PDE1C: variants seen among roughly 807,000 people sequenced by gnomAD.
PDE1C encodes the protein phosphodiesterase 1C.
Under a neutral mutation model 93.1 loss-of-function variants are expected in PDE1C, and 62 were observed. The observed-to-expected ratio is 0.67, with a 90% CI of 0.54 to 0.82. PDE1C has a LOEUF of 0.82. PDE1C is among the 40% of genes least tolerant of loss of function. The pLI, the probability that PDE1C is intolerant of heterozygous loss-of-function variation, is 0.00. For synonymous variants in PDE1C, 325 were observed against 310.1 expected (o/e 1.05, Z -0.50); for missense variants, 742 against 884.6 (o/e 0.84, Z 2.04).
chr7:31,847,767 T>G (rs1792814140), intron 9 of PDE1C: 1 of 535,566 alleles, frequency 1.9e-6, no homozygotes, highest in African/African-American at 1.9e-5. Flanking sequence ...TATAAATATT[T>G]GAATATCTGT....
intron 16 of PDE1C, among the ~76,000 whole-genome samples, chr7:31,776,178 G>C (rs1328792467): frequency 6.6e-6 from 1 of 152,132 alleles, no homozygotes; most frequent in Non-Finnish European, 1.5e-5. Flanking sequence ...AGGGAATCGG[G>C]GGTTTTGTCT....
At chr7:31,644,367 A>G in the PDE1C span, among the ~76,000 whole-genome samples, 1 of 152,236 alleles carries the variant, frequency 6.6e-6, no homozygotes, top group Non-Finnish European at 1.5e-5. Context: ...TAGGGAGACT[A>G]TTCATGCACT....
chr7:31,674,688 A>G, the PDE1C span, among the ~76,000 whole-genome samples: 1 of 152,198 alleles, frequency 6.6e-6, no homozygotes, highest in Non-Finnish European at 1.5e-5. Context: ...GGACTCTTTA[A>G]GAAATGATAC....
In PDE1C at chr7:31,853,702, GTTTTGT is replaced by G. The variant is rs1184463792; in HGVS notation, c.751-2967_751-2962del. On this transcript the variant is annotated intron_variant, in intron 7 of 17. Coordinates refer to ENST00000396191, the MANE Select transcript of PDE1C (RefSeq NM_001191057.4). The stretch of plus-strand genomic sequence containing the variant: ...TAAAAAGCAGGGTTTTTTTGTTTTC[GTTTTGT>G]TTTTGTTTTTGTTTTTTTTTAAACA... 1.1e-4 allele frequency among the ~76,000 whole-genome samples: 17 copies of G among 151,420 alleles called. 1 individual carries two copies. The South Asian group carries it at 2.7e-3, about 24-fold the overall frequency.
chr7:31,981,209 T>C (rs1812325492), intron 2 of PDE1C, among the ~76,000 whole-genome samples: 4 of 152,168 alleles, frequency 2.6e-5, no homozygotes, highest in Admixed American at 2.0e-4. Flanking sequence ...TGTCAGGCTA[T>C]AGTCAAGAAT....
At chr7:32,314,236 A>C (rs1783122775) in intron 1 of PDE1C, among the ~76,000 whole-genome samples, 2 of 152,122 alleles carry the variant, frequency 1.3e-5, no homozygotes, top group Admixed American at 1.3e-4. Flanking sequence ...AGGAGGTGAA[A>C]ATTGCATTAT....
chr7:32,073,291 G>A (rs1308589883), upstream of PDE1C, among the ~76,000 whole-genome samples: 2 of 152,156 alleles, frequency 1.3e-5, no homozygotes, highest in African/African-American at 4.8e-5. Context: ...CAAAATTAAT[G>A]TGTATTAGAA....
chr7:32,150,760 C>T (rs985897319), intron 3 of PDE1C, among the ~76,000 whole-genome samples: 6 of 152,150 alleles, frequency 3.9e-5, no homozygotes, highest in Non-Finnish European at 7.3e-5. Context: ...GTTAGGTCTT[C>T]GTTCATTTGC....
chr7:31,958,554 T>C (rs1808474258), intron 2 of PDE1C, among the ~76,000 whole-genome samples: 1 of 152,222 alleles, frequency 6.6e-6, no homozygotes, highest in Non-Finnish European at 1.5e-5. Flanking sequence ...CAAGCATACC[T>C]AAAAACTGCC....
intron 2 of PDE1C, among the ~76,000 whole-genome samples, chr7:32,181,295 G>A (rs570813748): frequency 1.3e-5 from 2 of 152,212 alleles, no homozygotes; most frequent in African/African-American, 4.8e-5. Context: ...GCACCAAGCG[G>A]ACCTAATAGA....
rs192458372 is a variant in PDE1C, at chr7:32,307,803, C to T, written c.311-98264G>A. On this transcript the variant is annotated intron_variant, in intron 1 of 1. Transcript: ENST00000672256. The stretch of plus-strand genomic sequence containing the variant: ...TCCAGTCTACAACTCCCAGCATAAG[C>T]GACACAGAAGACGGGTGATTTCTGC... Among the ~76,000 whole-genome samples the T allele has an allele frequency of 1.8e-4, 27 of 152,312 alleles. No homozygotes were observed. The East Asian group carries it at 4.1e-3, about 23-fold the overall frequency.
chr7:32,290,778 G>A (rs1812283412), intron 1 of PDE1C, among the ~76,000 whole-genome samples: 1 of 152,116 alleles, frequency 6.6e-6, no homozygotes, highest in Non-Finnish European at 1.5e-5. Flanking sequence ...GGAACACATG[G>A]ATCCATGAAG....
At chr7:32,027,062 T>C (rs374956525) in intron 2 of PDE1C, among the ~76,000 whole-genome samples, 44 of 152,222 alleles carry the variant, frequency 2.9e-4, no homozygotes, top group African/African-American at 9.6e-4. Context: ...GGCAGTGAAA[T>C]TGCTTTGTAT....
chr7:31,667,439 A>C, the PDE1C span, among the ~76,000 whole-genome samples: 1 of 152,206 alleles, frequency 6.6e-6, no homozygotes, highest in Non-Finnish European at 1.5e-5. Context: ...ATGAAGAACA[A>C]CATAGTCAGA....
At chr7:31,681,090 G>A in the PDE1C span, among the ~76,000 whole-genome samples, 1 of 152,168 alleles carries the variant, frequency 6.6e-6, no homozygotes, top group South Asian at 2.1e-4. Context: ...TAATTCAATG[G>A]TTTACTTAAA....
the PDE1C span, among the ~76,000 whole-genome samples, chr7:31,633,987 T>TACCAG: frequency 1.3e-5 from 2 of 152,348 alleles, no homozygotes; most frequent in East Asian, 1.9e-4. Flanking sequence ...AAGCTTTTAT[T>TACCAG]ACCAGACCAG....
At chr7:31,838,392 G>T (rs934139154) in intron 9 of PDE1C, among the ~76,000 whole-genome samples, 3 of 152,114 alleles carry the variant, frequency 2.0e-5, no homozygotes, top group Non-Finnish European at 4.4e-5. Flanking sequence ...TAGAGTTTTA[G>T]GTTGACAGAA....
At chr7:31,794,580 C>A (rs1433334854) in intron 16 of PDE1C, among the ~76,000 whole-genome samples, 1 of 151,990 alleles carries the variant, frequency 6.6e-6, no homozygotes, top group African/African-American at 2.4e-5. Context: ...AAGAATGTAG[C>A]ACATTAACAC....
chr7:32,105,904 A>C (rs1798285049), intron 3 of PDE1C, among the ~76,000 whole-genome samples: 1 of 152,048 alleles, frequency 6.6e-6, no homozygotes, highest in Non-Finnish European at 1.5e-5. Flanking sequence ...TCTGCCCCAA[A>C]ACAGCTTAAC....
Sources: gnomAD v4.1 joint callset for allele counts (sites outside exome capture counted in the v4.1 genomes callset) on GRCh38, gnomAD v4.1.1 for gene constraint, MANE v1.5 for transcripts, NCBI Gene and HGNC (gene_info 2026-07-23, HGNC 2026-07-21) for gene names.